KHDRBS3: variants seen among roughly 807,000 people sequenced by gnomAD.
The protein encoded by KHDRBS3 is KH RNA binding domain containing, signal transduction associated 3.
Under a neutral mutation model 45.6 loss-of-function variants are expected in KHDRBS3, and 23 were observed. The observed-to-expected ratio is 0.50, with a 90% CI of 0.36 to 0.72. The LOEUF is 0.72. Ranked by LOEUF, KHDRBS3 falls within the 30% of genes least tolerant of loss-of-function variation. KHDRBS3 has a pLI of 0.00. For missense variants in KHDRBS3, 352 were observed against 424.8 expected, an observed-to-expected ratio of 0.83 and a Z score of 1.51; for synonymous variants, 162 against 156.5, an observed-to-expected ratio of 1.04 and a Z score of -0.26.
At chr8:135,609,610 T>TA (rs1288988669) in intron 7 of KHDRBS3, among the ~76,000 whole-genome samples, 2 of 148,950 alleles carry the variant, frequency 1.3e-5, no homozygotes. Flanking sequence ...TTTTGAAAAT[T>TA]AAAAACAAAG....
intron 4 of KHDRBS3, chr8:135,549,406 G>C (rs1050259721): frequency 5.3e-5 from 8 of 152,188 alleles, no homozygotes; most frequent in African/African-American, 1.9e-4. Context: ...TAACCATAAT[G>C]AGCCCAGAGG....
intron 5 of KHDRBS3, among the ~76,000 whole-genome samples, chr8:135,579,682 A>G (rs746663520): frequency 6.6e-6 from 1 of 152,182 alleles, no homozygotes; most frequent in Admixed American, 6.5e-5. Flanking sequence ...GTTGTTATGA[A>G]TGAATGTCGC....
At chr8:135,552,355 T>C (rs1826647923) in intron 4 of KHDRBS3, among the ~76,000 whole-genome samples, 1 of 152,164 alleles carries the variant, frequency 6.6e-6, no homozygotes, top group Non-Finnish European at 1.5e-5. Context: ...AATGGACTAG[T>C]CTTCAAGTTA....
chr8:135,520,980 G>A (rs970818405), intron 1 of KHDRBS3, among the ~76,000 whole-genome samples: 1 of 152,060 alleles, frequency 6.6e-6, no homozygotes, highest in East Asian at 1.9e-4. Flanking sequence ...TTATTTTTGT[G>A]TTGTTTATCT....
chr8:135,538,366 A>C (rs1825876954), intron 2 of KHDRBS3, among the ~76,000 whole-genome samples: 1 of 152,162 alleles, frequency 6.6e-6, no homozygotes, highest in South Asian at 2.1e-4. Flanking sequence ...TAAGGGGCAA[A>C]ATAATGGGAA....
intron 7 of KHDRBS3, among the ~76,000 whole-genome samples, chr8:135,639,670 TCA>T (rs1379111173): frequency 1.3e-5 from 2 of 152,248 alleles, no homozygotes; most frequent in Non-Finnish European, 2.9e-5. Context: ...TTTAATTGGC[TCA>T]CAGTTCTGCA....
At chr8:135,589,921 A>G (rs1828669569) in intron 6 of KHDRBS3, among the ~76,000 whole-genome samples, 2 of 152,270 alleles carry the variant, frequency 1.3e-5, no homozygotes, top group Admixed American at 6.5e-5. Context: ...TTTAGCAAAC[A>G]TAACATGGTC....
At chr8:135,518,773 T>A (rs993799257) in intron 1 of KHDRBS3, among the ~76,000 whole-genome samples, 4 of 56,028 alleles carry the variant, frequency 7.1e-5, no homozygotes, top group African/African-American at 1.2e-4. Context: ...GCTACAATTT[T>A]CAAACTGTGT....
intron 1 of KHDRBS3, among the ~76,000 whole-genome samples, chr8:135,482,841 A>G (rs1001912909): frequency 8.5e-5 from 13 of 152,178 alleles, no homozygotes; most frequent in Non-Finnish European, 1.6e-4. Flanking sequence ...GGAGGTGTGT[A>G]TGAAGGTCAG....
intron 7 of KHDRBS3, among the ~76,000 whole-genome samples, chr8:135,608,508 AG>A (rs953323736): frequency 6.6e-6 from 1 of 152,178 alleles, no homozygotes; most frequent in Admixed American, 6.5e-5. Context: ...GTAGATGAGG[AG>A]ATCACATAAC....
intron 6 of KHDRBS3, among the ~76,000 whole-genome samples, chr8:135,585,244 A>G (rs909339659): frequency 6.6e-6 from 1 of 151,538 alleles, no homozygotes; most frequent in African/African-American, 2.4e-5. Context: ...AAAAAAAAAA[A>G]AAAGAAAAAT....
intron 1 of KHDRBS3, among the ~76,000 whole-genome samples, chr8:135,465,285 C>T (rs765468222): frequency 7.9e-5 from 12 of 151,844 alleles, no homozygotes; most frequent in Non-Finnish European, 1.0e-4. Flanking sequence ...CTGTTTTAGA[C>T]GTAAGTACAG....
chr8:135,543,545 C>CA (rs910254036), intron 3 of KHDRBS3, among the ~76,000 whole-genome samples: 4 of 152,106 alleles, frequency 2.6e-5, no homozygotes, highest in African/African-American at 9.7e-5. Flanking sequence ...AACATCCTCA[C>CA]AAAAAAGCTA....
At chr8:135,512,745 T>C (rs1824367722) in intron 1 of KHDRBS3, among the ~76,000 whole-genome samples, 1 of 152,232 alleles carries the variant, frequency 6.6e-6, no homozygotes, top group Non-Finnish European at 1.5e-5. Context: ...AATGAATAAA[T>C]AGATGTTCTT....
chr8:135,510,992 G>A (rs967141917), intron 1 of KHDRBS3, among the ~76,000 whole-genome samples: 4 of 152,192 alleles, frequency 2.6e-5, no homozygotes, highest in African/African-American at 7.2e-5. Context: ...TTTGTGTGTT[G>A]TAGTTTCAAA....
intron 8 of KHDRBS3, 74 bp downstream of exon 8, chr8:135,645,191 G>A: frequency 2.0e-6 from 3 of 1,486,930 alleles, no homozygotes. Flanking sequence ...ATATTAATGG[G>A]AAGAGAATAA....
At chr8:135,512,551 A>G (rs985991473) in intron 1 of KHDRBS3, among the ~76,000 whole-genome samples, 2 of 151,658 alleles carry the variant, frequency 1.3e-5, no homozygotes, top group African/African-American at 2.4e-5. Context: ...AATAGTTCTT[A>G]TAAAACAAGT....
At chr8:135,513,894 A>G (rs183896087) in intron 1 of KHDRBS3, among the ~76,000 whole-genome samples, 14 of 152,126 alleles carry the variant, frequency 9.2e-5, no homozygotes, top group African/African-American at 3.4e-4. Context: ...ACTTTATGCA[A>G]AGATTGCTTC....
chr8:135,635,692 G>A (rs1412309444), intron 7 of KHDRBS3, among the ~76,000 whole-genome samples: 1 of 152,160 alleles, frequency 6.6e-6, no homozygotes, highest in African/African-American at 2.4e-5. Context: ...CTGGCAGGTA[G>A]TAGTTTCTTA....
Sources: gnomAD v4.1 joint callset for allele counts (sites outside exome capture counted in the v4.1 genomes callset) on GRCh38, gnomAD v4.1.1 for gene constraint, MANE v1.5 for transcripts, NCBI Gene and HGNC (gene_info 2026-07-23, HGNC 2026-07-21) for gene names.